PPP1R37: variants seen among roughly 807,000 people sequenced by gnomAD.
PPP1R37 encodes protein phosphatase 1 regulatory subunit 37.
In PPP1R37, 21 loss-of-function variants were observed where a neutral mutation model predicts 61.0. The ratio of observed to expected loss-of-function variants is 0.34; its 90% CI spans 0.24 to 0.50. The LOEUF is 0.50. Among genes scored for constraint, PPP1R37 ranks in the 20% least tolerant of loss-of-function variants. PPP1R37 has a pLI of 0.98. For missense variants in PPP1R37, 910 were observed against 952.7 expected (o/e 0.96, Z 0.59); for synonymous variants, 443 against 433.5 (o/e 1.02, Z -0.27).
intron 1 of PPP1R37, among the ~76,000 whole-genome samples, chr19:45,115,622 A>C (rs1446612407): frequency 1.3e-5 from 2 of 152,178 alleles, no homozygotes; most frequent in African/African-American, 4.8e-5. Context: ...GGGTTGTTGA[A>C]GACAGTAAAT....
chr19:45,107,259 G>A (rs568244399), intron 1 of PPP1R37, among the ~76,000 whole-genome samples: 72 of 151,960 alleles, frequency 4.7e-4, no homozygotes, highest in Non-Finnish European at 6.5e-4. Context: ...TTGGGAGGCC[G>A]AAGAGTTCGC....
At chr19:45,106,433 A>G (rs937609643) in intron 1 of PPP1R37, among the ~76,000 whole-genome samples, 2 of 152,074 alleles carry the variant, frequency 1.3e-5, no homozygotes, top group African/African-American at 2.4e-5. Flanking sequence ...TAGTAGAGAC[A>G]GGGTTTCACC....
At chr19:45,138,407 G>A in intron 1 of PPP1R37, 107 bp from the exon 2 acceptor site, 1 of 727,064 alleles carries the variant, frequency 1.4e-6, no homozygotes, top group South Asian at 1.7e-5. Flanking sequence ...GTTGGGGGAG[G>A]GCTGAAGAGG....
intron 1 of PPP1R37, among the ~76,000 whole-genome samples, chr19:45,096,143 C>T (rs1374803402): frequency 6.6e-6 from 1 of 152,020 alleles, no homozygotes; most frequent in Non-Finnish European, 1.5e-5. Flanking sequence ...CAGTGTTGGT[C>T]ATCTTGGGCT....
chr19:45,119,754 G>C (rs1968315789), intron 1 of PPP1R37, among the ~76,000 whole-genome samples: 1 of 152,224 alleles, frequency 6.6e-6, no homozygotes, highest in Non-Finnish European at 1.5e-5. Flanking sequence ...AGGTAGGGCT[G>C]TGTCTCTTGT....
At position 45,145,349 on chromosome 19, in the gene PPP1R37, A is replaced by G. The variant is rs746523605; in HGVS notation, c.1297-4A>G. The G allele has an allele frequency of 6.1e-4, 936 of 1,533,136 alleles. 3 individuals carry two copies. The highest frequency in any genetic ancestry group is 7.7e-4 in the Non-Finnish European group (880 of 1,145,442). 95.0% of individuals were successfully genotyped at this position (1,533,136 alleles called of 1,614,324 possible). A position where few individuals can be genotyped will look rare whatever the true frequency, so the allele number is the denominator to read the frequency against. On this transcript the variant is annotated splice_region_variant and splice_polypyrimidine_tract_variant and intron_variant, in intron 10 of 12. Coordinates refer to ENST00000221462, the MANE Select transcript of PPP1R37 (RefSeq NM_019121.2). Reference sequence around the variant, plus strand: ...AGAGCCCTAGCCAGGCGCTCCCGCCACAGGTGAAGAGCTTCATCGAGACGC... The same window carrying G: ...AGAGCCCTAGCCAGGCGCTCCCGCCGCAGGTGAAGAGCTTCATCGAGACGC...
chr19:45,138,487 A>G, intron 1 of PPP1R37, 27 bp from the exon 2 acceptor site: 4 of 1,519,238 alleles, frequency 2.6e-6, no homozygotes, highest in Non-Finnish European at 1.8e-6. Context: ...GTGGACAGTC[A>G]CAGGCCTGGG....
chr19:45,145,080 C>T lies in PPP1R37; in HGVS notation c.1130-14C>T, dbSNP rs1275244734. 1.0e-5 allele frequency: 16 copies of T among 1,530,314 alleles called. No homozygotes were observed. The highest frequency in any genetic ancestry group is 1.4e-5 in the Non-Finnish European group (16 of 1,144,408). The allele number at this position is 1,530,314 out of a possible 1,614,324, so 94.8% of individuals were successfully genotyped here. A position where few individuals can be genotyped will look rare whatever the true frequency, so the allele number is the denominator to read the frequency against. The stretch of plus-strand genomic sequence containing the variant: ...GTGTGGGGCCCGTGGCCAGCCCCTG[C>T]GGTGCCCCCCCAGGCGCGGTGGCGG... On this transcript the variant is annotated splice_polypyrimidine_tract_variant and intron_variant, in intron 9 of 12. Transcript: ENST00000221462.
rs76622554 is a variant in PPP1R37, at chr19:45,143,101, C to T, written c.875-420C>T. The T allele has an allele frequency of 2.4e-3, 404 of 171,056 alleles. 4 individuals are homozygous for T. The highest frequency in any genetic ancestry group is 3.6e-3 in the Non-Finnish European group (291 of 79,802). The allele number at this position is 171,056 out of a possible 1,614,324, so 10.6% of individuals were successfully genotyped here. ...TGCCAAGGGCCATGGCTGTCGGCCC[C>T]TGGGCTCAGCTCGGAGGGAGACACA... On this transcript the variant is annotated intron_variant, in intron 7 of 12. Transcript: ENST00000221462.
intron 1 of PPP1R37, among the ~76,000 whole-genome samples, chr19:45,124,666 A>G (rs1306038061): frequency 6.6e-6 from 1 of 152,132 alleles, no homozygotes; most frequent in Non-Finnish European, 1.5e-5. Context: ...GCTTGGCCTG[A>G]GTAGGTTTTG....
intron 8 of PPP1R37, 83 bp downstream of exon 8, chr19:45,143,716 C>A: frequency 1.3e-6 from 1 of 744,142 alleles, no homozygotes; most frequent in Non-Finnish European, 2.3e-6. Flanking sequence ...TTGCCTCTAG[C>A]TGACGGCTCC....
intron 1 of PPP1R37, chr19:45,128,641 T>C: frequency 8.0e-7 from 1 of 1,244,484 alleles, no homozygotes. Context: ...TGCTCAGCAT[T>C]ATGTAACACT....
chr19:45,127,481 G>A (rs189240133), intron 1 of PPP1R37, among the ~76,000 whole-genome samples: 192 of 152,122 alleles, frequency 1.3e-3, no homozygotes, highest in African/African-American at 4.3e-3. Flanking sequence ...CCCTCGGCAA[G>A]TGTAACACAG....
At chr19:45,138,646 G>T (rs1335896838) in intron 2 of PPP1R37, 35 bp downstream of exon 2, 2 of 1,451,880 alleles carry the variant, frequency 1.4e-6, no homozygotes, top group Non-Finnish European at 1.9e-6. Context: ...GTCCGGTGTG[G>T]GTGTCAAGGG....
At chr19:45,115,054 T>A (rs957285385) in intron 1 of PPP1R37, among the ~76,000 whole-genome samples, 1 of 152,154 alleles carries the variant, frequency 6.6e-6, no homozygotes, top group Non-Finnish European at 1.5e-5. Context: ...AGGCATGCAT[T>A]CAGCGAGTAT....
chr19:45,124,590 G>C (rs1195190490), intron 1 of PPP1R37, among the ~76,000 whole-genome samples: 1 of 152,036 alleles, frequency 6.6e-6, no homozygotes, highest in Non-Finnish European at 1.5e-5. Context: ...TTCCCTGCCA[G>C]ACAAGAACCC....
rs528375615 is a variant in PPP1R37, at chr19:45,120,916, C to T, written c.203-17598C>T. On this transcript the variant is annotated intron_variant, in intron 1 of 12. Transcript: ENST00000221462. Reference sequence around the variant, plus strand: ...ATTACAGGCGTGACCCACTGTGCCCCGCACATTTGTACTTTTGACTGGTCT... The same window carrying T: ...ATTACAGGCGTGACCCACTGTGCCCTGCACATTTGTACTTTTGACTGGTCT... Among the ~76,000 whole-genome samples the T allele has an allele frequency of 5.9e-5, 9 of 152,278 alleles. No homozygotes were observed. The South Asian group carries it at 1.2e-3, about 21-fold the overall frequency.
At chr19:45,143,328 T>C (rs1968638580) in intron 7 of PPP1R37, 193 bp from the exon 8 acceptor site, 1 of 537,048 alleles carries the variant, frequency 1.9e-6, no homozygotes, top group Non-Finnish European at 3.3e-6. Flanking sequence ...GAGGCTGTCA[T>C]CCAGGCACCC....
At chr19:45,104,986 C>T (rs1011850110) in intron 1 of PPP1R37, among the ~76,000 whole-genome samples, 4 of 152,312 alleles carry the variant, frequency 2.6e-5, no homozygotes, top group Middle Eastern at 3.4e-3. Context: ...TGCTTATCTG[C>T]GGGCCTGCTG....
Sources: gnomAD v4.1 joint callset for allele counts (sites outside exome capture counted in the v4.1 genomes callset) on GRCh38, gnomAD v4.1.1 for gene constraint, MANE v1.5 for transcripts, NCBI Gene and HGNC (gene_info 2026-07-23, HGNC 2026-07-21) for gene names.